EDAR: variants seen among roughly 807,000 people sequenced by gnomAD.
EDAR encodes tumor necrosis factor receptor superfamily member EDAR.
In EDAR, 38 loss-of-function variants were observed where a neutral mutation model predicts 51.3. The ratio of observed to expected loss-of-function variants is 0.74; its 90% CI spans 0.57 to 0.97. The LOEUF is 0.97. EDAR is among the 50% of genes least tolerant of loss of function. The pLI, the probability that EDAR is intolerant of heterozygous loss-of-function variation, is 0.00. For missense variants in EDAR, 528 were observed against 595.0 expected (o/e 0.89, Z 1.17); for synonymous variants, 227 against 242.1 (o/e 0.94, Z 0.58).
intron 4 of EDAR, among the ~76,000 whole-genome samples, chr2:108,926,407 C>A (rs1211956084): frequency 6.6e-6 from 1 of 152,220 alleles, no homozygotes; most frequent in Non-Finnish European, 1.5e-5. Context: ...GACTTTCTCT[C>A]AGTCAATAGG....
chr2:108,944,016 T>G (rs111643491), intron 1 of EDAR, among the ~76,000 whole-genome samples: 2 of 152,218 alleles, frequency 1.3e-5, no homozygotes, highest in South Asian at 2.1e-4. Context: ...AAAGGCTTGA[T>G]GTAGATTGTG....
chr2:108,897,314 AAATT>A, intron 11 of EDAR, 85 bp from the exon 12 acceptor site: 11 of 1,328,784 alleles, frequency 8.3e-6, no homozygotes, highest in Non-Finnish European at 1.1e-5. Flanking sequence ...AATGAAATAA[AAATT>A]ATTTGAAAAA....
intron 10 of EDAR, 110 bp from the exon 11 acceptor site, chr2:108,906,478 C>G (rs542361881): frequency 3.3e-5 from 36 of 1,105,024 alleles, no homozygotes; most frequent in Non-Finnish European, 4.4e-5. Context: ...ACACCAGAGA[C>G]GCTGCACACA....
intron 4 of EDAR, among the ~76,000 whole-genome samples, chr2:108,926,029 C>T (rs983755890): frequency 2.6e-5 from 4 of 152,192 alleles, no homozygotes; most frequent in African/African-American, 7.2e-5. Flanking sequence ...TTTTCTAGCA[C>T]GTATTGCTGC....
At chr2:108,956,784 C>CTTTT (rs967646109) in intron 1 of EDAR, among the ~76,000 whole-genome samples, 87 of 123,586 alleles carry the variant, frequency 7.0e-4, no homozygotes, top group African/African-American at 2.9e-3. Context: ...CGAAAGCTCT[C>CTTTT]TTTTTTTTTT....
intron 1 of EDAR, among the ~76,000 whole-genome samples, chr2:108,937,279 T>C (rs992710044): frequency 1.3e-5 from 2 of 152,356 alleles, no homozygotes; most frequent in South Asian, 4.1e-4. Flanking sequence ...CAAACTGACC[T>C]TTGGCAGCCC....
intron 1 of EDAR, among the ~76,000 whole-genome samples, chr2:108,965,455 A>T (rs1698132305): frequency 1.0e-5 from 1 of 95,982 alleles, no homozygotes; most frequent in Non-Finnish European, 2.0e-5. Flanking sequence ...ACAGAGCGAG[A>T]TTTCGTCTCA....
At chr2:108,925,562 T>C (rs6750351) in intron 4 of EDAR, among the ~76,000 whole-genome samples, 10,820 of 152,254 alleles carry the variant, frequency 0.071, 1,310 homozygotes, top group African/African-American at 0.25. Flanking sequence ...GTCATGTGTA[T>C]GGGTCAAGCT....
At chr2:108,960,851 C>A (rs1698024889) in intron 1 of EDAR, among the ~76,000 whole-genome samples, 1 of 152,184 alleles carries the variant, frequency 6.6e-6, no homozygotes, top group South Asian at 2.1e-4. Context: ...TTGAAATATT[C>A]TTCAGGAACA....
rs1019947790 is a variant in EDAR, at chr2:108,942,046, G to C, written c.-18-11014C>G. The stretch of plus-strand genomic sequence containing the variant: ...TCCACAGGTGCCTCAGAGAAAGTTC[G>C]CTGGGCTTCTTCCGGAACCTGTGTT... On this transcript the variant is annotated intron_variant, in intron 1 of 11. Transcript: ENST00000258443. 2.0e-5 allele frequency among the ~76,000 whole-genome samples: 3 copies of C among 152,246 alleles called. No homozygotes were observed. The South Asian group carries it at 6.2e-4, about 32-fold the overall frequency.
rs76797589 is a variant in EDAR at position 108,917,797 on chromosome 2, C to T, written c.443-5033G>A. On this transcript the variant is annotated intron_variant, in intron 5 of 11. Coordinates refer to ENST00000258443, the MANE Select transcript of EDAR (RefSeq NM_022336.4). ...ACCCACAAGAACAGGTGAGCAGATC[C>T]GGTCCCAAAGTGCCAACCTTGGGCA... Among the ~76,000 whole-genome samples, 590 of 152,166 alleles carry T rather than the reference C, an allele frequency of 3.9e-3. 4 individuals are homozygous for T. Among genetic ancestry groups the T allele is most frequent in the African/African-American group, 0.013 (532 of 41,496 alleles).
At chr2:108,933,349 T>C (rs1433807802) in intron 1 of EDAR, among the ~76,000 whole-genome samples, 2 of 151,900 alleles carry the variant, frequency 1.3e-5, no homozygotes. Flanking sequence ...GAAGAGAGAG[T>C]ATGAATTCTG....
At chr2:108,937,303 G>T (rs948573676) in intron 1 of EDAR, among the ~76,000 whole-genome samples, 1 of 152,230 alleles carries the variant, frequency 6.6e-6, no homozygotes, top group Admixed American at 6.5e-5. Context: ...AAAGGGGTGG[G>T]CTGTGTCCCT....
intron 4 of EDAR, among the ~76,000 whole-genome samples, chr2:108,927,791 A>G (rs182137958): frequency 1.2e-4 from 18 of 151,788 alleles, no homozygotes; most frequent in Admixed American, 7.9e-4. Context: ...CACAACCTCT[A>G]TCCTCCCTCC....
chr2:108,933,115 C>T (rs576498949), intron 1 of EDAR, among the ~76,000 whole-genome samples: 77 of 152,310 alleles, frequency 5.1e-4, no homozygotes, highest in Non-Finnish European at 7.8e-4. Flanking sequence ...GGCTGTAACA[C>T]CTGTTGTTGG....
At chr2:108,907,649 C>CA (rs11306434) in intron 10 of EDAR, among the ~76,000 whole-genome samples, 10 of 144,108 alleles carry the variant, frequency 6.9e-5, no homozygotes, top group Admixed American at 4.1e-4. Flanking sequence ...CTCTCATCTC[C>CA]AAAAAAAAAA....
chr2:108,968,123 A>G (rs1468342775), intron 1 of EDAR, among the ~76,000 whole-genome samples: 1 of 152,178 alleles, frequency 6.6e-6, no homozygotes, highest in Non-Finnish European at 1.5e-5. Flanking sequence ...TGATTTTCAC[A>G]GCCACCACCT....
At position 108,944,888 on chromosome 2, in the gene EDAR, C is replaced by A. The variant is rs570643762; in HGVS notation, c.-18-13856G>T. On this transcript the variant is annotated intron_variant, in intron 1 of 11. Transcript: ENST00000258443. The stretch of plus-strand genomic sequence containing the variant: ...CCGCCACCTGCAGGTCCCAGAGGAA[C>A]TGACGCCGGGGAGGTGCTTTGAGCC... 1.4e-3 allele frequency among the ~76,000 whole-genome samples: 218 copies of A among 152,298 alleles called. 9 individuals carry two copies. In the South Asian group the frequency reaches 0.043, roughly 30 times the overall value.
rs66741499 is a variant in EDAR, at chr2:108,962,674, CAAAAAAAA to C, written c.-19+26278_-19+26285del. ...TGGGCGACAGAGCGAGACTCTGTCTCAAAAAAAAAAAAAAAAAAAAAAAAAAAGAGAGA... is the reference window on the plus strand; with the variant it reads ...TGGGCGACAGAGCGAGACTCTGTCTCAAAAAAAAAAAAAAAAAAAGAGAGA... On this transcript the variant is annotated intron_variant, in intron 1 of 11. Coordinates refer to ENST00000258443, the MANE Select transcript of EDAR (RefSeq NM_022336.4). Among the ~76,000 whole-genome samples the C allele has an allele frequency of 6.0e-5, 4 of 66,904 alleles. No individual in the cohort carries two copies. The East Asian group carries it at 4.0e-3, about 66-fold the overall frequency. The allele number at this position is 66,904 out of a possible 152,430, so 43.9% of individuals were successfully genotyped here.
Sources: gnomAD v4.1 joint callset for allele counts (sites outside exome capture counted in the v4.1 genomes callset) on GRCh38, gnomAD v4.1.1 for gene constraint, MANE v1.5 for transcripts, NCBI Gene and HGNC (gene_info 2026-07-23, HGNC 2026-07-21) for gene names.